PPP2R1B: variants seen among roughly 807,000 people sequenced by gnomAD.
PPP2R1B encodes the protein protein phosphatase 2 scaffold subunit Abeta, also known as serine/threonine-protein phosphatase 2A 65 kDa regulatory subunit A beta isoform.
PPP2R1B carries 58 observed loss-of-function variants against 72.7 expected under a neutral mutation model. The observed-to-expected ratio is 0.80, with a 90% CI of 0.65 to 0.99. The LOEUF (loss-of-function observed/expected upper bound fraction) is 0.99. PPP2R1B is among the 50% of genes least tolerant of loss of function. The pLI is 0.00. For synonymous variants in PPP2R1B, 256 were observed against 264.6 expected (o/e 0.97, Z 0.32); for missense variants, 695 against 733.6 (o/e 0.95, Z 0.61).
rs781901679 is a variant in PPP2R1B at position 111,766,292 on chromosome 11, G to A, written c.70C>T (p.Pro24Ser). ...AGCTCGTCGATTAAAACCGCGATCG[G>A]GTATAGCGAATCATCTCCATCTCCA... ...AGGDGDDSLYPIAVLIDELRN... is the reference protein window; with the variant it reads ...AGGDGDDSLYSIAVLIDELRN... The change falls in exon 1 of 15, where the codon CCG (proline) becomes TCG (serine). Residue 24 changes from proline to serine, a missense_variant. Transcript: ENST00000527614. 2.5e-6 allele frequency: 4 copies of A among 1,591,320 alleles called. No homozygotes were observed. The highest frequency in any genetic ancestry group is 2.6e-6 in the Non-Finnish European group (3 of 1,170,528).
chr11:111,717,577 C>T, the PPP2R1B span, among the ~76,000 whole-genome samples: 2 of 152,088 alleles, frequency 1.3e-5, no homozygotes, highest in African/African-American at 2.4e-5. Flanking sequence ...TTTGACCCAG[C>T]AATCCCATTA....
chr11:111,703,509 C>T, the PPP2R1B span: 9 of 1,167,922 alleles, frequency 7.7e-6, no homozygotes, highest in Admixed American at 5.6e-5. Context: ...TCTTTTAGCA[C>T]ATGTATCTCC....
chr11:111,688,275 G>T, the PPP2R1B span: 4 of 1,052,302 alleles, frequency 3.8e-6, no homozygotes, highest in Non-Finnish European at 4.2e-6. The surrounding 1 kb of genome is among the most constrained non-coding windows in gnomAD (Gnocchi z 4.2). Context: ...ATGACATCAG[G>T]CTATCTCAAA....
the PPP2R1B span, among the ~76,000 whole-genome samples, chr11:111,713,098 G>A: frequency 3.3e-5 from 5 of 152,204 alleles, no homozygotes; most frequent in Admixed American, 6.5e-5. Context: ...CCAGGGGGCC[G>A]AGGTGGCAGT....
the PPP2R1B span, among the ~76,000 whole-genome samples, chr11:111,711,734 C>T: frequency 1.2e-3 from 184 of 152,306 alleles, 1 homozygote; most frequent in African/African-American, 3.8e-3. Flanking sequence ...ACCAAAAAGG[C>T]GGGTAGGGCA....
chr11:111,742,574 C>T lies in PPP2R1B; in HGVS notation c.1646G>A (p.Arg549His), dbSNP rs747629761. ...KMAGDQVANV[R>H]FNVAKSLQKI... is the part of the protein sequence containing the mutation. Reference sequence around the variant, plus strand: ...TTGTAGAGATTTGGCCACATTGAAGCGAACATTTGCTACTTGGTCTCCTGC... The same window carrying T: ...TTGTAGAGATTTGGCCACATTGAAGTGAACATTTGCTACTTGGTCTCCTGC... The change falls in exon 13 of 15, where the codon CGC becomes CAC. Residue 549 changes from arginine (R) to histidine (H), a missense_variant. By Grantham distance (29) the Arg-to-His change is conservative. Transcript: ENST00000527614. 3 of 1,613,812 alleles carry T rather than the reference C, an allele frequency of 1.9e-6. No individual in the cohort carries two copies. Among genetic ancestry groups the T allele is most frequent in the Non-Finnish European group, 2.5e-6 (3 of 1,179,944 alleles).
chr11:111,744,058 G>C lies in PPP2R1B; in HGVS notation c.1400-528C>G, dbSNP rs147544676. 5.8e-3 allele frequency among the ~76,000 whole-genome samples: 887 copies of C among 152,318 alleles called. 14 individuals carry two copies. Among genetic ancestry groups the C allele is most frequent in the African/African-American group, 0.02 (839 of 41,560 alleles). On this transcript the variant is annotated intron_variant, in intron 11 of 14. Coordinates refer to ENST00000527614, the MANE Select transcript of PPP2R1B (RefSeq NM_002716.5). ...GGAGAGAAGCGGGGAGGAATTCCTA[G>C]AAAGGGTAAAGACATGTATCCAGGA...
downstream of PPP2R1B, chr11:111,721,999 C>A: frequency 7.4e-7 from 1 of 1,358,492 alleles, no homozygotes; most frequent in Non-Finnish European, 1.0e-6. Flanking sequence ...TGTTCTTCTG[C>A]AAAGCAGAAA....
chr11:111,734,767 G>A (rs1944291466), downstream of PPP2R1B, among the ~76,000 whole-genome samples: 1 of 152,206 alleles, frequency 6.6e-6, no homozygotes, highest in Non-Finnish European at 1.5e-5. Context: ...TGGCCCTTAA[G>A]GAGCTCCTCC....
At position 111,760,997 on chromosome 11, in the gene PPP2R1B, C is replaced by T. The variant is rs782035281; in HGVS notation, c.361G>A (p.Val121Met). 1 of 1,614,210 alleles carries T rather than the reference C, an allele frequency of 6.2e-7. No homozygotes were observed. The highest frequency in any genetic ancestry group is 1.1e-5 in the South Asian group (1 of 91,080). The stretch of plus-strand genomic sequence containing the variant: ...TGGGAGATCTGTCTCAGGGACTCCA[C>T]AGCCTTGTCACGAACAACAGTCTCT... ...VEETVVRDKAVESLRQISQEH... is the reference protein window; with the variant it reads ...VEETVVRDKAMESLRQISQEH... The change falls in exon 4 of 15, where the codon GTG becomes ATG. Residue 121 changes from valine (V) to methionine (M), a missense_variant. Val to Met is a conservative substitution (Grantham distance 21). Coordinates refer to ENST00000527614, the MANE Select transcript of PPP2R1B (RefSeq NM_002716.5).
At chr11:111,753,294 C>G (rs1944979984) in intron 9 of PPP2R1B, 149 bp downstream of exon 9, 1 of 1,097,842 alleles carries the variant, frequency 9.1e-7, no homozygotes, top group African/African-American at 1.6e-5. Flanking sequence ...TAACCCCATA[C>G]CCAAAATCAC....
chr11:111,726,644 C>A, downstream of PPP2R1B: 1 of 319,524 alleles, frequency 3.1e-6, no homozygotes, highest in Non-Finnish European at 5.9e-6. Context: ...GTCTGATCAC[C>A]TGTGCTGCTC....
the PPP2R1B span, chr11:111,718,960 G>A: frequency 6.6e-6 from 1 of 152,406 alleles, no homozygotes; most frequent in East Asian, 1.9e-4. Context: ...CCATTAGGCA[G>A]TGTGCGTGGC....
chr11:111,699,538 A>G, the PPP2R1B span, among the ~76,000 whole-genome samples: 1 of 152,210 alleles, frequency 6.6e-6, no homozygotes, highest in African/African-American at 2.4e-5. Context: ...GAGGACTTGA[A>G]GCTTGAAAGT....
Position 111,752,348 on chromosome 11 carries a change from C to A in PPP2R1B, c.1165-16G>T, listed in dbSNP as rs782489691. 3.2e-6 allele frequency: 5 copies of A among 1,582,574 alleles called. No individual in the cohort carries two copies. The South Asian group carries it at 5.8e-5, about 18-fold the overall frequency. ...CGTCAGGACACTGCAAGTACACAAG[C>A]CCCAAAAGACCACATTTAAAAATCA... On this transcript the variant is annotated splice_polypyrimidine_tract_variant and intron_variant, in intron 9 of 14. Coordinates refer to ENST00000527614, the MANE Select transcript of PPP2R1B (RefSeq NM_002716.5).
In PPP2R1B at chr11:111,766,283, C is replaced by G; in HGVS notation, c.79G>C (p.Val27Leu). The G allele has an allele frequency of 1.2e-6, 2 of 1,613,962 alleles. No individual in the cohort carries two copies. The highest frequency in any genetic ancestry group is 1.7e-6 in the Non-Finnish European group (2 of 1,179,932). ...TCATTGCGGAGCTCGTCGATTAAAA[C>G]CGCGATCGGGTATAGCGAATCATCT... ...DGDDSLYPIA[V>L]LIDELRNEDV... Residue 27 changes from valine to leucine, a missense_variant, in exon 1 of 15, where the codon GTT (valine) becomes CTT (leucine). Coordinates refer to ENST00000527614, the MANE Select transcript of PPP2R1B (RefSeq NM_002716.5).
chr11:111,719,748 G>T, the PPP2R1B span: 1 of 1,599,174 alleles, frequency 6.3e-7, no homozygotes, highest in South Asian at 1.1e-5. Context: ...TGCAGAAACT[G>T]AGTTTCCTCT....
At position 111,755,096 on chromosome 11, in the gene PPP2R1B, T is replaced by C; in HGVS notation, c.844-2A>G. Reference sequence around the variant, plus strand: ...TTTAGGACCCATGGCTTTCTGGAGCTATAAAAGAATTTGAACGGGTTTTAA... The same window carrying C: ...TTTAGGACCCATGGCTTTCTGGAGCCATAAAAGAATTTGAACGGGTTTTAA... On this transcript the variant is annotated splice_acceptor_variant, in intron 6 of 14. Coordinates refer to ENST00000527614, the MANE Select transcript of PPP2R1B (RefSeq NM_002716.5). LOFTEE classifies it high-confidence loss of function. 6.2e-7 allele frequency: 1 copy of C among 1,602,300 alleles called. No individual in the cohort carries two copies.
At chr11:111,709,377 G>A in the PPP2R1B span, among the ~76,000 whole-genome samples, 1 of 152,220 alleles carries the variant, frequency 6.6e-6, no homozygotes, top group Non-Finnish European at 1.5e-5. Context: ...GGCTCAACTT[G>A]TGAATTTTGG....
Sources: gnomAD v4.1 joint callset for allele counts (sites outside exome capture counted in the v4.1 genomes callset) on GRCh38, gnomAD v4.1.1 for gene constraint, Gnocchi (gnomAD v3.1) non-coding constraint, MANE v1.5 for transcripts, NCBI Gene and HGNC (gene_info 2026-07-23, HGNC 2026-07-21) for gene names.